Variants in DENND1C observed in about 807,000 individuals in gnomAD.
The protein encoded by DENND1C is DENN domain containing 1C.
In DENND1C, 64 loss-of-function variants were observed where a neutral mutation model predicts 87.9. The ratio of observed to expected loss-of-function variants is 0.73; its 90% CI spans 0.60 to 0.90. The LOEUF (loss-of-function observed/expected upper bound fraction) is 0.90. Among genes scored for constraint, DENND1C ranks in the 40% least tolerant of loss-of-function variants. The pLI, the probability that DENND1C is intolerant of heterozygous loss-of-function variation, is 0.00. For synonymous variants in DENND1C, 384 were observed against 424.4 expected (o/e 0.90, Z 1.17); for missense variants, 980 against 1,037.0 (o/e 0.95, Z 0.76).
intron 10 of DENND1C, chr19:6,476,536 TG>T: frequency 3.8e-6 from 1 of 259,864 alleles, no homozygotes; most frequent in Non-Finnish European, 7.4e-6. Context: ...CCTGGGTCCC[TG>T]GGTCCCTGGA....
chr19:6,472,063 G>A (rs1264052923), intron 15 of DENND1C, among the ~76,000 whole-genome samples: 1 of 152,128 alleles, frequency 6.6e-6, no homozygotes, highest in Non-Finnish European at 1.5e-5. Flanking sequence ...GCCCCCTCTA[G>A]AACTACCCAC....
Position 6,467,893 on chromosome 19 carries a change from AG to A in DENND1C, c.2016del (p.Ser673LeufsTer7). 6.2e-7 allele frequency: 1 copy of A among 1,611,280 alleles called. No homozygotes were observed. The highest frequency in any genetic ancestry group is 1.7e-5 in the Admixed American group (1 of 59,430). Reference sequence around the variant, plus strand: ...AGAATTAGGGGCTCTGTGAGAGGAGAGGGTTTGGGGTCCCCCCAGATGCTTG... The same window carrying A: ...AGAATTAGGGGCTCTGTGAGAGGAGAGGTTTGGGGTCCCCCCAGATGCTTG... ...ADPSIWGDPK[P>X]SPLTEPLILH... On this transcript the variant is annotated frameshift_variant, in exon 23 of 23. Transcript: ENST00000381480. LOFTEE classifies it low-confidence loss of function (END_TRUNC).
At chr19:6,477,631 T>TAATAATAATAATAATAAG in intron 6 of DENND1C, 173 bp from the exon 7 acceptor site, 3 of 215,594 alleles carry the variant, frequency 1.4e-5, no homozygotes, top group Non-Finnish European at 2.6e-5. Context: ...ATAATAATAA[T>TAATAATAATAATAATAAG]AGAGACAAAG....
intron 15 of DENND1C, among the ~76,000 whole-genome samples, 161 bp downstream of exon 15, chr19:6,472,728 C>T (rs2092836331): frequency 6.6e-6 from 1 of 152,172 alleles, no homozygotes; most frequent in South Asian, 2.1e-4. Flanking sequence ...TTCAGTCCTT[C>T]CCCACTTGGG....
At position 6,467,401 on chromosome 19, in the gene DENND1C, A is replaced by C; in HGVS notation, c.*103T>G. On this transcript the variant is annotated 3_prime_UTR_variant, in exon 23 of 23. Coordinates refer to ENST00000381480, the MANE Select transcript of DENND1C (RefSeq NM_024898.4). ...CAGAGGTGGGTGGGATGGATTTCCG[A>C]GCAGAGTGAGGGCACCAGAGAAATT... 2.1e-6 allele frequency: 3 copies of C among 1,395,720 alleles called. No individual in the cohort carries two copies. Among genetic ancestry groups the C allele is most frequent in the Non-Finnish European group, 9.4e-7 (1 of 1,065,756 alleles). 86.5% of individuals were successfully genotyped at this position (1,395,720 alleles called of 1,614,324 possible).
Position 6,468,034 on chromosome 19 carries a change from C to G in DENND1C, c.1876G>C (p.Ala626Pro). ...GAGCTGGTGGCATCCAAAGACGAGG[C>G]ATTTTGCAGGGATGGCAGGGAAAGG... is the stretch of plus-strand genomic sequence containing the variant. ...QPLSLPSLQN[A>P]SSLDATSSSK... The change falls in exon 23 of 23, where the codon GCC becomes CCC. Residue 626 changes from alanine (A) to proline (P), a missense_variant. Ala to Pro is a conservative substitution (Grantham distance 27, BLOSUM62 -1). Transcript: ENST00000381480. 1 of 1,613,780 alleles carries G rather than the reference C, an allele frequency of 6.2e-7. No individual in the cohort carries two copies. The highest frequency in any genetic ancestry group is 1.1e-5 in the South Asian group (1 of 91,056).
At chr19:6,474,336 T>G (rs1054204987) in intron 14 of DENND1C, among the ~76,000 whole-genome samples, 1 of 152,086 alleles carries the variant, frequency 6.6e-6, no homozygotes, top group Non-Finnish European at 1.5e-5. Context: ...GGGTGGTCTG[T>G]GTGCAGATTC....
chr19:6,469,011 A>T (rs932619801), intron 19 of DENND1C, 58 bp from the exon 20 acceptor site: 1 of 1,015,442 alleles, frequency 9.8e-7, no homozygotes. Context: ...ACCACCCCCT[A>T]CCATTGGTCT....
chr19:6,477,135 G>C lies in DENND1C; in HGVS notation c.514-8C>G. ...GGCCACGAAGCAGGAAAGCTGGTGG[G>C]GGTATTGGCAGGGGGATCAATCAGT... On this transcript the variant is annotated splice_polypyrimidine_tract_variant and splice_region_variant and intron_variant, in intron 8 of 22. Coordinates refer to ENST00000381480, the MANE Select transcript of DENND1C (RefSeq NM_024898.4). 1 of 1,603,146 alleles carries C rather than the reference G, an allele frequency of 6.2e-7. No homozygotes were observed. The highest frequency in any genetic ancestry group is 8.5e-7 in the Non-Finnish European group (1 of 1,174,956).
At chr19:6,469,393 T>G in intron 19 of DENND1C, 1 of 587,026 alleles carries the variant, frequency 1.7e-6, no homozygotes, top group Non-Finnish European at 3.1e-6. Flanking sequence ...AGTGGCGCTA[T>G]CTCAGCTTAC....
intron 12 of DENND1C, 49 bp downstream of exon 12, chr19:6,475,657 G>A (rs1259093642): frequency 1.2e-6 from 2 of 1,612,096 alleles, no homozygotes; most frequent in African/African-American, 1.3e-5. Context: ...GGGATGTAGA[G>A]GAAGGGGGAA....
Position 6,468,946 on chromosome 19 carries a change from T to C in DENND1C, c.1415A>G (p.Asp472Gly). ...VQSLLMYKDG[D>G]SVLQRGGSLR... ...AGAGCCCCCCCTCTGCAGGACAGAG[T>C]CCCCATCCTAGGAAGAGAAGAGTGA... Residue 472 changes from aspartate to glycine, a missense_variant, in exon 20 of 23, where the codon GAC (aspartate) becomes GGC (glycine). Asp to Gly is a moderately conservative substitution (Grantham distance 94). Transcript: ENST00000381480. The C allele has an allele frequency of 1.4e-6, 2 of 1,420,740 alleles. No homozygotes were observed. The highest frequency in any genetic ancestry group is 1.8e-6 in the Non-Finnish European group (2 of 1,088,212). 88.0% of individuals were successfully genotyped at this position (1,420,740 alleles called of 1,614,324 possible).
chr19:6,477,200 TC>T lies in DENND1C; in HGVS notation c.513+17del. On this transcript the variant is annotated intron_variant, in intron 8 of 22. Transcript: ENST00000381480. ...CACCTGGACCCCCGACCTTCCAGGGTCCCCGAGCCCCGCTCACCGGCTTGCT... is the reference window on the plus strand; with the variant it reads ...CACCTGGACCCCCGACCTTCCAGGGTCCCGAGCCCCGCTCACCGGCTTGCT... 1 of 1,587,862 alleles carries T rather than the reference TC, an allele frequency of 6.3e-7. No individual in the cohort carries two copies. The highest frequency in any genetic ancestry group is 8.6e-7 in the Non-Finnish European group (1 of 1,167,770).
At position 6,476,898 on chromosome 19, in the gene DENND1C, C is replaced by A. The variant is rs181960498; in HGVS notation, c.637G>T (p.Ala213Ser). 2 of 1,613,296 alleles carry A rather than the reference C, an allele frequency of 1.2e-6. No individual in the cohort carries two copies. The highest frequency in any genetic ancestry group is 3.3e-5 in the Admixed American group (2 of 59,998). The part of the protein sequence containing the change: ...NIVGLFAALL[A>S]ERRVLLTASK... ...GCGGTGAGCAGGACTCTTCTCTCGG[C>A]CAGGAGCGCCGCGAACAGCCCCACG... Residue 213 changes from alanine (A) to serine (S), a missense_variant, in exon 10 of 23, where the codon GCC (alanine) becomes TCC (serine). Coordinates refer to ENST00000381480, the MANE Select transcript of DENND1C (RefSeq NM_024898.4).
intron 10 of DENND1C, 74 bp downstream of exon 10, chr19:6,476,783 T>G: frequency 2.1e-6 from 3 of 1,441,856 alleles, no homozygotes; most frequent in Non-Finnish European, 2.8e-6. Context: ...GAGCCAGGAA[T>G]CAGCCCCCTT....
chr19:6,469,669 A>C, intron 18 of DENND1C, 29 bp from the exon 19 acceptor site: 3 of 1,592,780 alleles, frequency 1.9e-6, no homozygotes, highest in Non-Finnish European at 2.6e-6. Context: ...AGAATTACCC[A>C]AGGGTGGTGG....
Position 6,477,215 on chromosome 19 carries a change from C to T in DENND1C, c.513+3G>A. 6.3e-7 allele frequency: 1 copy of T among 1,587,436 alleles called. No individual in the cohort carries two copies. The highest frequency in any genetic ancestry group is 8.6e-7 in the Non-Finnish European group (1 of 1,167,124). ...CCTTCCAGGGTCCCCGAGCCCCGCT[C>T]ACCGGCTTGCTATTCCCCCGGGTAG... On this transcript the variant is annotated splice_donor_region_variant and intron_variant, in intron 8 of 22. Transcript: ENST00000381480.
chr19:6,473,108 G>A, intron 14 of DENND1C, 115 bp from the exon 15 acceptor site: 1 of 705,596 alleles, frequency 1.4e-6, no homozygotes, highest in Non-Finnish European at 2.1e-6. Flanking sequence ...CTGATCCTGT[G>A]TGGGGCCTCA....
At chr19:6,470,862 C>T (rs374157939) in intron 17 of DENND1C, among the ~76,000 whole-genome samples, 13 of 151,992 alleles carry the variant, frequency 8.6e-5, no homozygotes, top group African/African-American at 2.4e-4. Flanking sequence ...CCTTGTGATC[C>T]GCCCGCCTCA....
Sources: allele counts gnomAD v4.1 joint callset (sites outside exome capture counted in the v4.1 genomes callset), GRCh38; gene constraint gnomAD v4.1.1; transcripts MANE v1.5; gene names NCBI Gene and HGNC (gene_info 2026-07-23, HGNC 2026-07-21).